Variants in ALPL observed in about 807,000 individuals in gnomAD.
ALPL encodes alkaline phosphatase, tissue-nonspecific isozyme.
A neutral mutation model predicts 51.3 loss-of-function variants in ALPL; 42 were observed. That is an observed-to-expected ratio of 0.82 (90% CI 0.64 to 1.06). ALPL has a LOEUF of 1.06. Ranked by LOEUF, ALPL falls within the 50% of genes least tolerant of loss-of-function variation. The pLI, the probability that ALPL is intolerant of heterozygous loss-of-function variation, is 0.00. For synonymous variants in ALPL, 279 were observed against 296.4 expected (o/e 0.94, Z 0.60); for missense variants, 589 against 709.4 (o/e 0.83, Z 1.93).
intron 1 of ALPL, among the ~76,000 whole-genome samples, chr1:21,522,409 T>G (rs552371151): frequency 1.3e-5 from 2 of 152,294 alleles, no homozygotes; most frequent in East Asian, 3.9e-4. Context: ...CCAGGCTGTG[T>G]TCTAAGCAGC....
Position 21,561,863 on chromosome 1 carries a change from C to T in ALPL, c.297+651C>T, listed in dbSNP as rs544234863. Among the ~76,000 whole-genome samples the T allele has an allele frequency of 9.9e-5, 15 of 152,152 alleles. No individual in the cohort carries two copies. The South Asian group carries it at 2.7e-3, about 27-fold the overall frequency. ...TTTATTTTTAGTAGAGACAAGGTTT[C>T]ACCCTGTTGGCCAGGCTGGTCTCGA... On this transcript the variant is annotated intron_variant, in intron 4 of 11. Coordinates refer to ENST00000374840, the MANE Select transcript of ALPL (RefSeq NM_000478.6).
In ALPL at chr1:21,577,800, G is replaced by A. The variant is rs1029125466; in HGVS notation, c.*152G>A. 1 of 1,054,570 alleles carries A rather than the reference G, an allele frequency of 9.5e-7. No homozygotes were observed. Among genetic ancestry groups the A allele is most frequent in the Non-Finnish European group, 1.3e-6 (1 of 744,222 alleles). The allele number at this position is 1,054,570 out of a possible 1,614,324, so 65.3% of individuals were successfully genotyped here. ...GAAACCAAAGTCTGCCGCCCACCTC[G>A]CTCCCCTCTGGAATCTTCCCCAAGG... On this transcript the variant is annotated 3_prime_UTR_variant, in exon 12 of 12. Transcript: ENST00000374840.
chr1:21,553,189 TTAAATATATATA>T (rs1644355956), intron 1 of ALPL, among the ~76,000 whole-genome samples: 2 of 151,876 alleles, frequency 1.3e-5, no homozygotes. Context: ...ACATCCGACT[TTAAATATATATA>T]TATTTTTTAA....
intron 7 of ALPL, 147 bp downstream of exon 7, chr1:21,568,394 A>C: frequency 9.3e-7 from 1 of 1,072,892 alleles, no homozygotes. Context: ...AGAGATATAC[A>C]AGCAGTAGAT....
intron 1 of ALPL, among the ~76,000 whole-genome samples, chr1:21,520,965 A>G (rs1570172036): frequency 6.6e-6 from 1 of 152,040 alleles, no homozygotes; most frequent in South Asian, 2.1e-4. Flanking sequence ...TTGCCTTTGT[A>G]CCTGCCATCC....
Position 21,575,376 on chromosome 1 carries a change from G to A in ALPL, c.998-357G>A, listed in dbSNP as rs188963048. 4.6e-3 allele frequency among the ~76,000 whole-genome samples: 705 copies of A among 152,272 alleles called. 28 individuals carry two copies. The highest frequency in any genetic ancestry group is 0.037 in the Admixed American group (567 of 15,292). ...CCTGGCACATTGTAGGGATTCCAGC[G>A]TGCCCCCTTCCCTACCTCCCAAAGG... is the stretch of plus-strand genomic sequence containing the variant. On this transcript the variant is annotated intron_variant, in intron 9 of 11. Coordinates refer to ENST00000374840, the MANE Select transcript of ALPL (RefSeq NM_000478.6).
In ALPL at chr1:21,570,379, G is replaced by A; in HGVS notation, c.862+5G>A. ...ACAATGTGGACTACCTATTGGGTAA[G>A]TGGAGGGGGTGGAGGGGAGGATGCA... is the stretch of plus-strand genomic sequence containing the variant. On this transcript the variant is annotated splice_donor_5th_base_variant and intron_variant, in intron 8 of 11. Coordinates refer to ENST00000374840, the MANE Select transcript of ALPL (RefSeq NM_000478.6). The A allele has an allele frequency of 6.2e-7, 1 of 1,613,572 alleles. No homozygotes were observed. Among genetic ancestry groups the A allele is most frequent in the Non-Finnish European group, 8.5e-7 (1 of 1,179,596 alleles).
intron 1 of ALPL, among the ~76,000 whole-genome samples, chr1:21,552,845 C>A (rs913120548): frequency 6.6e-6 from 1 of 152,070 alleles, no homozygotes; most frequent in African/African-American, 2.4e-5. Context: ...CTGCTGTTTC[C>A]CACAACAAAT....
intron 1 of ALPL, among the ~76,000 whole-genome samples, chr1:21,535,865 C>T (rs1358786755): frequency 6.6e-6 from 1 of 152,204 alleles, no homozygotes; most frequent in Non-Finnish European, 1.5e-5. Context: ...CATGGCTTGG[C>T]CCTGCCCCTG....
chr1:21,543,770 G>C (rs1369882993), intron 1 of ALPL, among the ~76,000 whole-genome samples: 1 of 152,166 alleles, frequency 6.6e-6, no homozygotes, highest in Non-Finnish European at 1.5e-5. Context: ...ACAGTCTGGG[G>C]CTGCGTGCTC....
intron 1 of ALPL, among the ~76,000 whole-genome samples, chr1:21,519,933 A>G (rs965872172): frequency 2.6e-5 from 4 of 152,122 alleles, no homozygotes; most frequent in Non-Finnish European, 4.4e-5. Context: ...CAAATTGCCT[A>G]GGGGAACCTG....
rs121918017 is a variant in ALPL, at chr1:21,573,694, G to C, written c.892G>C (p.Glu298Gln). ...CTTCGAGCCAGGGGACATGCAGTAC[G>C]AGCTGAACAGGAACAACGTGACGGA... Reference protein sequence around the residue: ...GLFEPGDMQYELNRNNVTDPS... With the variant: ...GLFEPGDMQYQLNRNNVTDPS... Residue 298 changes from glutamate to glutamine, a missense_variant, in exon 9 of 12, where the codon GAG becomes CAG. By Grantham distance (29) the Glu-to-Gln change is conservative. Coordinates refer to ENST00000374840, the MANE Select transcript of ALPL (RefSeq NM_000478.6). 1 of 1,614,008 alleles carries C rather than the reference G, an allele frequency of 6.2e-7. No homozygotes were observed. Among genetic ancestry groups the C allele is most frequent in the Non-Finnish European group, 8.5e-7 (1 of 1,180,000 alleles).
At chr1:21,510,539 G>C (rs1643665994) in intron 1 of ALPL, among the ~76,000 whole-genome samples, 1 of 152,152 alleles carries the variant, frequency 6.6e-6, no homozygotes, top group African/African-American at 2.4e-5. Flanking sequence ...TGCGTAGAGG[G>C]ACCTGCTCTG....
intron 1 of ALPL, among the ~76,000 whole-genome samples, chr1:21,553,224 T>C (rs560821257): frequency 2.0e-5 from 3 of 151,944 alleles, no homozygotes; most frequent in African/African-American, 7.2e-5. Context: ...ATTGTAAAGA[T>C]AATACTGTAT....
chr1:21,514,547 G>T (rs944098079), intron 1 of ALPL, among the ~76,000 whole-genome samples: 8 of 152,130 alleles, frequency 5.3e-5, no homozygotes, highest in Non-Finnish European at 1.0e-4. Flanking sequence ...TCTTAGAATC[G>T]CCATGTCTGA....
chr1:21,563,063 T>C (rs1421065885), intron 4 of ALPL, 47 bp from the exon 5 acceptor site: 1 of 1,611,190 alleles, frequency 6.2e-7, no homozygotes, highest in East Asian at 2.2e-5. Flanking sequence ...TGGGTGCCAC[T>C]GGGGCGAAGG....
rs554921586 is a variant in ALPL at position 21,563,048 on chromosome 1, C to T, written c.298-62C>T. ...CCAGTCCCCATGGTGTGAGTGTAGGCGGGGTGGGTGCCACTGGGGCGAAGG... is the reference window on the plus strand; with the variant it reads ...CCAGTCCCCATGGTGTGAGTGTAGGTGGGGTGGGTGCCACTGGGGCGAAGG... On this transcript the variant is annotated intron_variant, in intron 4 of 11. Coordinates refer to ENST00000374840, the MANE Select transcript of ALPL (RefSeq NM_000478.6). 294 of 1,594,456 alleles carry T rather than the reference C, an allele frequency of 1.8e-4. 3 individuals carry two copies. In the South Asian group the frequency reaches 2.1e-3, roughly 11 times the overall value.
At chr1:21,555,030 C>T (rs1305100482) in intron 2 of ALPL, among the ~76,000 whole-genome samples, 1 of 151,556 alleles carries the variant, frequency 6.6e-6, no homozygotes, top group Non-Finnish European at 1.5e-5. Flanking sequence ...TTTATTTCAC[C>T]TGGGTGCAGG....
At chr1:21,530,726 C>T (rs1055437900) in intron 1 of ALPL, among the ~76,000 whole-genome samples, 1 of 150,990 alleles carries the variant, frequency 6.6e-6, no homozygotes, top group Non-Finnish European at 1.5e-5. Flanking sequence ...TAGTGACTGT[C>T]GGTCCCCTCC....
Sources: gnomAD v4.1 joint callset for allele counts (sites outside exome capture counted in the v4.1 genomes callset) on GRCh38, gnomAD v4.1.1 for gene constraint, MANE v1.5 for transcripts, NCBI Gene and HGNC (gene_info 2026-07-23, HGNC 2026-07-21) for gene names.